DCHS2: variants seen among roughly 807,000 people sequenced by gnomAD.
DCHS2 encodes the protein dachsous cadherin-related 2.
Under a neutral mutation model 182.4 loss-of-function variants are expected in DCHS2, and 142 were observed. That is an observed-to-expected ratio of 0.78 (90% CI 0.68 to 0.89). The LOEUF (loss-of-function observed/expected upper bound fraction) is 0.89, where lower values mean the gene tolerates loss of function less well. Ranked by LOEUF, DCHS2 falls within the 40% of genes least tolerant of loss-of-function variation. DCHS2 has a pLI of 0.00. For synonymous variants in DCHS2, 1,740 were observed against 1,663.3 expected (o/e 1.05, Z -1.12); for missense variants, 4,319 against 4,198.6 (o/e 1.03, Z -0.79).
intron 1 of DCHS2, chr4:154,391,353 C>A: frequency 1.3e-6 from 2 of 1,539,820 alleles, no homozygotes; most frequent in Non-Finnish European, 1.8e-6. Context: ...CTGGCATGAA[C>A]CCTTTCCTTG....
intron 1 of DCHS2, among the ~76,000 whole-genome samples, chr4:154,395,605 C>T (rs1192375429): frequency 6.6e-6 from 1 of 152,200 alleles, no homozygotes; most frequent in Non-Finnish European, 1.5e-5. Flanking sequence ...GTTTTTGATT[C>T]AGCACATTGA....
At chr4:154,429,954 G>A (rs1208849786) in intron 1 of DCHS2, among the ~76,000 whole-genome samples, 3 of 152,084 alleles carry the variant, frequency 2.0e-5, no homozygotes, top group Non-Finnish European at 2.9e-5. Context: ...CCATGTCATG[G>A]TGGTGTACGA....
At chr4:154,332,080 G>A (rs72723338) in intron 5 of DCHS2, among the ~76,000 whole-genome samples, 20,727 of 152,114 alleles carry the variant, frequency 0.14, 1,595 homozygotes, top group South Asian at 0.22. Flanking sequence ...ACGTTTTGAC[G>A]TTTTTTAAAT....
At chr4:154,430,932 T>C (rs1327440338) in intron 1 of DCHS2, among the ~76,000 whole-genome samples, 3 of 152,172 alleles carry the variant, frequency 2.0e-5, no homozygotes, top group Non-Finnish European at 2.9e-5. Context: ...GATCTGTCTA[T>C]TCCCACACCA....
chr4:154,415,598 A>C (rs1732798808), intron 1 of DCHS2, among the ~76,000 whole-genome samples: 1 of 152,224 alleles, frequency 6.6e-6, no homozygotes, highest in Admixed American at 6.5e-5. Context: ...ACTGGGGGAA[A>C]GACAGAAAGA....
chr4:154,333,058 C>T lies in DCHS2; in HGVS notation c.3150G>A (p.Thr1050=). 2 of 1,614,030 alleles carry T rather than the reference C, an allele frequency of 1.2e-6. 1 individual carries two copies. Among genetic ancestry groups the T allele is most frequent in the South Asian group, 2.2e-5 (2 of 91,082 alleles). ...SLGAGEQREL[T]LTLRAEDQGV... ...CTTGGTCCTCGGCCCTGAGAGTCAG[C>T]GTGAGCTCCCGCTGCTCGCCCGCGC... The change falls in exon 5 of 20, where the codon ACG becomes ACA. Residue 1050 remains threonine, a synonymous_variant. Transcript: ENST00000357232.
intron 1 of DCHS2, among the ~76,000 whole-genome samples, chr4:154,461,712 T>C (rs1193668041): frequency 6.6e-6 from 1 of 152,170 alleles, no homozygotes; most frequent in South Asian, 2.1e-4. Flanking sequence ...GGGATAAAGA[T>C]GTTGCCTTTT....
chr4:154,337,565 C>CTCATAGCTCTCTGTG (rs1578981707), intron 3 of DCHS2, among the ~76,000 whole-genome samples: 2 of 152,106 alleles, frequency 1.3e-5, no homozygotes, highest in Middle Eastern at 3.2e-3. Context: ...GTAACCCCAT[C>CTCATAGCTCTCTGTG]TCATAGCTCT....
At chr4:154,412,287 T>C (rs1429017237) in intron 1 of DCHS2, among the ~76,000 whole-genome samples, 1 of 152,152 alleles carries the variant, frequency 6.6e-6, no homozygotes, top group Admixed American at 6.5e-5. Flanking sequence ...AAAATCTTCT[T>C]TCTCACCTCC....
At chr4:154,420,190 G>GA (rs973677064) in intron 1 of DCHS2, among the ~76,000 whole-genome samples, 2 of 150,486 alleles carry the variant, frequency 1.3e-5, no homozygotes, top group African/African-American at 4.9e-5. Flanking sequence ...GAAGAAGTGA[G>GA]AAAAAAAAGG....
intron 13 of DCHS2, among the ~76,000 whole-genome samples, chr4:154,275,599 C>T (rs775659175): frequency 6.6e-6 from 1 of 151,866 alleles, no homozygotes; most frequent in African/African-American, 2.4e-5. Flanking sequence ...TGTTTTATCC[C>T]CACTGCTCAA....
At chr4:154,344,996 G>T (rs1729291738) in intron 3 of DCHS2, among the ~76,000 whole-genome samples, 1 of 152,144 alleles carries the variant, frequency 6.6e-6, no homozygotes, top group South Asian at 2.1e-4. Flanking sequence ...GACTTGGGAG[G>T]AATACTAAAC....
intron 13 of DCHS2, among the ~76,000 whole-genome samples, chr4:154,288,022 T>A (rs894502563): frequency 6.6e-6 from 1 of 152,030 alleles, no homozygotes; most frequent in Non-Finnish European, 1.5e-5. Flanking sequence ...AAGAGAAGAC[T>A]CTAAGACAAT....
At chr4:154,478,481 T>A (rs1211095049) in intron 1 of DCHS2, among the ~76,000 whole-genome samples, 3 of 152,134 alleles carry the variant, frequency 2.0e-5, no homozygotes, top group African/African-American at 7.2e-5. Flanking sequence ...GTTTCCCATT[T>A]TTTGAGGATT....
intron 7 of DCHS2, chr4:154,323,427 G>A (rs904535950): frequency 8.7e-6 from 13 of 1,488,632 alleles, no homozygotes; most frequent in East Asian, 4.9e-5. Context: ...GTTCAGGGTC[G>A]CAAGCTATCC....
chr4:154,478,307 G>A (rs1002271387), intron 1 of DCHS2, among the ~76,000 whole-genome samples: 3 of 151,860 alleles, frequency 2.0e-5, no homozygotes, highest in African/African-American at 7.3e-5. Context: ...TTCTGCTTCT[G>A]GTATGACTGA....
intron 19 of DCHS2, chr4:154,237,735 T>G (rs1731601932): frequency 6.6e-6 from 1 of 152,188 alleles, no homozygotes; most frequent in Non-Finnish European, 1.5e-5. Flanking sequence ...TATTTAATTT[T>G]TATAAATGTG....
At chr4:154,342,511 A>G (rs928989090) in intron 3 of DCHS2, among the ~76,000 whole-genome samples, 3 of 152,240 alleles carry the variant, frequency 2.0e-5, no homozygotes, top group African/African-American at 7.2e-5. Flanking sequence ...CTGATGATTT[A>G]TCAACTAAGT....
At chr4:154,421,112 C>T (rs1427695509) in intron 1 of DCHS2, among the ~76,000 whole-genome samples, 1 of 152,082 alleles carries the variant, frequency 6.6e-6, no homozygotes, top group Non-Finnish European at 1.5e-5. Flanking sequence ...TATCTAGATA[C>T]TGGGGAAGCA....
Sources: gnomAD v4.1 joint callset for allele counts (sites outside exome capture counted in the v4.1 genomes callset) on GRCh38, gnomAD v4.1.1 for gene constraint, MANE v1.5 for transcripts, NCBI Gene and HGNC (gene_info 2026-07-23, HGNC 2026-07-21) for gene names.